VASH1: variants seen among roughly 807,000 people sequenced by gnomAD.
The protein encoded by VASH1 is tubulinyl-Tyr carboxypeptidase 1.
Under a neutral mutation model 35.0 loss-of-function variants are expected in VASH1, and 16 were observed. That is an observed-to-expected ratio of 0.46 (90% CI 0.31 to 0.70). The LOEUF is 0.70. Ranked by LOEUF, VASH1 falls within the 30% of genes least tolerant of loss-of-function variation. The pLI is 0.05. For missense variants in VASH1, 505 were observed against 510.7 expected (o/e 0.99, Z 0.11); for synonymous variants, 214 against 200.9 (o/e 1.07, Z -0.55).
intron 1 of VASH1, among the ~76,000 whole-genome samples, chr14:76,765,920 GGA>G (rs1311878989): frequency 2.6e-5 from 4 of 152,146 alleles, no homozygotes; most frequent in African/African-American, 9.7e-5. Flanking sequence ...TGTCATAAAA[GGA>G]GAGCACTCTG....
Position 76,780,505 on chromosome 14 carries a change from GC to G in VASH1, c.*1488del, listed in dbSNP as rs1291094672. On this transcript the variant is annotated 3_prime_UTR_variant, in exon 7 of 7. Transcript: ENST00000167106. ...AGTAAGGCTGCAGAAGGGCTGGGGG[GC>G]TACACAAGGAAGAGCAGAACTAGGG... 2 of 152,496 alleles carry G rather than the reference GC, an allele frequency of 1.3e-5. No homozygotes were observed. The highest frequency in any genetic ancestry group is 2.1e-4 in the South Asian group (1 of 4,832). The allele number at this position is 152,496 out of a possible 1,614,324, so 9.4% of individuals were successfully genotyped here. A position where few individuals can be genotyped will look rare whatever the true frequency, so the allele number is the denominator to read the frequency against.
chr14:76,773,104 C>T, intron 3 of VASH1, 33 bp from the exon 4 acceptor site: 2 of 1,609,228 alleles, frequency 1.2e-6, no homozygotes, highest in Non-Finnish European at 1.7e-6. Context: ...GCTGGAGGCG[C>T]TGTCCTTACT....
chr14:76,770,797 T>G (rs1480066454), intron 2 of VASH1, among the ~76,000 whole-genome samples: 1 of 152,130 alleles, frequency 6.6e-6, no homozygotes, highest in African/African-American at 2.4e-5. Context: ...GGGAAACTGG[T>G]CCAGTGAGGC....
rs1274440329 is a variant in VASH1 at position 76,776,041 on chromosome 14, T to G, written c.680T>G (p.Met227Arg). 19 of 1,611,482 alleles carry G rather than the reference T, an allele frequency of 1.2e-5. No individual in the cohort carries two copies. Among genetic ancestry groups the G allele is most frequent in the Non-Finnish European group, 1.4e-5 (17 of 1,179,712 alleles). ...GGCATGAGTCGGCGCGAGGACCTGA[T>G]GTACAAGCCGCCCGCCTTCCGCACG... is the stretch of plus-strand genomic sequence containing the variant. The part of the protein sequence containing the change: ...ALGMSRREDL[M>R]YKPPAFRTLS... Residue 227 changes from methionine to arginine, a missense_variant, in exon 5 of 7, where the codon ATG becomes AGG. Coordinates refer to ENST00000167106, the MANE Select transcript of VASH1 (RefSeq NM_014909.5).
Position 76,776,197 on chromosome 14 carries a change from T to C in VASH1, c.836T>C (p.Val279Ala). 2 of 1,610,534 alleles carry C rather than the reference T, an allele frequency of 1.2e-6. No homozygotes were observed. The highest frequency in any genetic ancestry group is 8.5e-7 in the Non-Finnish European group (1 of 1,179,700). ...SVEQIEWKHS[V>A]LDVERLGRDD... ...GAGCAGATCGAGTGGAAGCACTCGG[T>C]GCTGGACGTGGAGCGCCTGGGCCGC... The change falls in exon 5 of 7, where the codon GTG becomes GCG. Residue 279 changes from valine to alanine, a missense_variant. Transcript: ENST00000167106.
In VASH1 at chr14:76,761,482, A is replaced by C. The variant is rs1893501758; in HGVS notation, c.-1340A>C. The C allele has an allele frequency of 2.0e-5, 3 of 152,750 alleles. No homozygotes were observed. Among genetic ancestry groups the C allele is most frequent in the Admixed American group, 2.0e-4 (3 of 15,282 alleles). The allele number at this position is 152,750 out of a possible 1,614,324, so 9.5% of individuals were successfully genotyped here. On this transcript the variant is annotated 5_prime_UTR_variant, in exon 1 of 7. Transcript: ENST00000167106. ...GCATGCGCGGCGCGGGCCGTAGTCG[A>C]GCCTGGTGGGCGGCTGGCTGGCAGG...
chr14:76,777,409 A>C (rs1468944008), intron 5 of VASH1, among the ~76,000 whole-genome samples: 1 of 152,166 alleles, frequency 6.6e-6, no homozygotes, highest in African/African-American at 2.4e-5. Flanking sequence ...GCTGTGATGG[A>C]TTCCCAGCCT....
At chr14:76,763,186 G>A (rs1287943810) in intron 1 of VASH1, 56 bp downstream of exon 1, 2 of 1,369,100 alleles carry the variant, frequency 1.5e-6, no homozygotes, top group African/African-American at 1.5e-5. Flanking sequence ...GTGACCTTGG[G>A]GCCAAGAGTG....
rs1301269719 is a variant in VASH1 at position 76,779,330 on chromosome 14, G to A, written c.*312G>A. ...GAAGGCCAGTGCTTAACAAATCCAT[G>A]TGTCATGGGGCCAGGTGAGGGAAAC... On this transcript the variant is annotated 3_prime_UTR_variant, in exon 7 of 7. Coordinates refer to ENST00000167106, the MANE Select transcript of VASH1 (RefSeq NM_014909.5). 3 of 702,412 alleles carry A rather than the reference G, an allele frequency of 4.3e-6. No homozygotes were observed. In the Admixed American group the frequency reaches 6.0e-5, roughly 14 times the overall value. The allele number at this position is 702,412 out of a possible 1,614,324, so 43.5% of individuals were successfully genotyped here.
chr14:76,779,466 G>A lies in VASH1; in HGVS notation c.*448G>A. 4.3e-6 allele frequency: 3 copies of A among 701,696 alleles called. No individual in the cohort carries two copies. The highest frequency in any genetic ancestry group is 2.6e-6 in the Non-Finnish European group (1 of 384,598). The allele number at this position is 701,696 out of a possible 1,614,324, so 43.5% of individuals were successfully genotyped here. A position where few individuals can be genotyped will look rare whatever the true frequency, so the allele number is the denominator to read the frequency against. ...GGCCTGTGATGGGGGGTGGGGGTGG[G>A]GTGGAGATGTTTCTCCAGTTCTGCC... On this transcript the variant is annotated 3_prime_UTR_variant, in exon 7 of 7. Coordinates refer to ENST00000167106, the MANE Select transcript of VASH1 (RefSeq NM_014909.5).
chr14:76,776,021 G>A lies in VASH1; in HGVS notation c.660G>A (p.Met220Ile), dbSNP rs762356513. The A allele has an allele frequency of 3.1e-6, 5 of 1,612,536 alleles. 1 individual carries two copies. The Admixed American group carries it at 8.3e-5, about 27-fold the overall frequency. The change falls in exon 5 of 7, where the codon ATG becomes ATA. Residue 220 changes from methionine to isoleucine, a missense_variant. Met to Ile is a conservative substitution (Grantham distance 10, BLOSUM62 1). Coordinates refer to ENST00000167106, the MANE Select transcript of VASH1 (RefSeq NM_014909.5). ...CGGGCCGCTACGGTGCGCTGGGCAT[G>A]AGTCGGCGCGAGGACCTGATGTACA... ...NFAGRYGALG[M>I]SRREDLMYKP...
Position 76,761,581 on chromosome 14 carries a change from C to T in VASH1, c.-1241C>T, listed in dbSNP as rs1893505847. 6.6e-6 allele frequency among the ~76,000 whole-genome samples: 1 copy of T among 151,974 alleles called. No individual in the cohort carries two copies. Among genetic ancestry groups the T allele is most frequent in the South Asian group, 2.1e-4 (1 of 4,834 alleles). The stretch of plus-strand genomic sequence containing the variant: ...CGGCGGCCCCAGCTTCGCCGAGCAG[C>T]GATCGGCTGGTGGGCTTCTCGTTGG... On this transcript the variant is annotated 5_prime_UTR_variant, in exon 1 of 7. Transcript: ENST00000167106.
chr14:76,768,271 G>T (rs945718149), intron 1 of VASH1, among the ~76,000 whole-genome samples: 2 of 152,220 alleles, frequency 1.3e-5, no homozygotes, highest in Non-Finnish European at 2.9e-5. Flanking sequence ...AGAGGGGGGA[G>T]CCCCCCACCC....
chr14:76,776,454 G>A (rs1252028491), intron 5 of VASH1, among the ~76,000 whole-genome samples, 181 bp downstream of exon 5: 2 of 152,186 alleles, frequency 1.3e-5, no homozygotes, highest in Non-Finnish European at 2.9e-5. Context: ...GGCTGCGGAG[G>A]GAGGAGGTGG....
chr14:76,772,861 CA>C (rs1186300752), intron 3 of VASH1, among the ~76,000 whole-genome samples: 1 of 152,226 alleles, frequency 6.6e-6, no homozygotes, highest in Non-Finnish European at 1.5e-5. Flanking sequence ...CTCTTTGGAG[CA>C]AGAGCCAGGC....
intron 3 of VASH1, 58 bp from the exon 4 acceptor site, chr14:76,773,079 C>T: frequency 6.4e-7 from 1 of 1,559,688 alleles, no homozygotes; most frequent in Non-Finnish European, 8.8e-7. Context: ...CTCCTTCTCA[C>T]ATTCCCCTGG....
intron 4 of VASH1, chr14:76,773,743 G>A (rs1377604808): frequency 6.4e-6 from 1 of 155,362 alleles, no homozygotes; most frequent in Non-Finnish European, 1.4e-5. Flanking sequence ...CTTGGAGACA[G>A]ACCAGCCACC....
In VASH1 at chr14:76,779,022, G is replaced by A. The variant is rs765658659; in HGVS notation, c.*4G>A. The A allele has an allele frequency of 1.8e-5, 29 of 1,613,760 alleles. No individual in the cohort carries two copies. The highest frequency in any genetic ancestry group is 2.2e-5 in the East Asian group (1 of 44,900). On this transcript the variant is annotated 3_prime_UTR_variant, in exon 7 of 7. Transcript: ENST00000167106. ...CGGGTACCAGATCCGGGTCTGAGGC[G>A]GATGCCAGCACCCCAGGCCCCACCC...
chr14:76,764,115 C>A (rs927070805), intron 1 of VASH1, among the ~76,000 whole-genome samples: 2 of 152,004 alleles, frequency 1.3e-5, no homozygotes, highest in Non-Finnish European at 2.9e-5. Flanking sequence ...CAGTGCTTAG[C>A]CCTGCCTGCC....
Sources: gnomAD v4.1 joint callset for allele counts (sites outside exome capture counted in the v4.1 genomes callset) on GRCh38, gnomAD v4.1.1 for gene constraint, MANE v1.5 for transcripts, NCBI Gene and HGNC (gene_info 2026-07-23, HGNC 2026-07-21) for gene names.